Variants in MICAL2 observed in about 807,000 individuals in gnomAD.
MICAL2 encodes microtubule associated monooxygenase, calponin and LIM domain containing 2.
A neutral mutation model predicts 127.3 loss-of-function variants in MICAL2; 77 were observed. That is an observed-to-expected ratio of 0.60 (90% confidence interval 0.50 to 0.73). The LOEUF is 0.73. Ranked by LOEUF, MICAL2 falls within the 30% of genes least tolerant of loss-of-function variation. The pLI, the probability that MICAL2 is intolerant of heterozygous loss-of-function variation, is 0.00. For synonymous variants in MICAL2, 570 were observed against 551.1 expected (o/e 1.03, Z -0.48); for missense variants, 1,351 against 1,434.4 (o/e 0.94, Z 0.94).
At chr11:12,305,832 AT>A (rs1242105131) in intron 29 of MICAL2, among the ~76,000 whole-genome samples, 1 of 152,142 alleles carries the variant, frequency 6.6e-6, no homozygotes, top group Non-Finnish European at 1.5e-5. Context: ...ACCTTGTACA[AT>A]TTTCATTAGA....
rs116576001 is a variant in MICAL2 at position 12,124,946 on chromosome 11, C to T, written c.-148-13444C>T. On this transcript the variant is annotated intron_variant, in intron 1 of 27. Coordinates refer to ENST00000683283, the MANE Select transcript of MICAL2 (RefSeq NM_001282663.2). ...TCCTGTGTCCTTCTGGTCACTAACCCATTCCACCATTGTTGTGGGAATTAG... is the reference window on the plus strand; with the variant it reads ...TCCTGTGTCCTTCTGGTCACTAACCTATTCCACCATTGTTGTGGGAATTAG... Among the ~76,000 whole-genome samples, 212 of 152,358 alleles carry T rather than the reference C, an allele frequency of 1.4e-3. 1 individual carries two copies. The highest frequency in any genetic ancestry group is 3.9e-3 in the African/African-American group (161 of 41,582).
intron 15 of MICAL2, among the ~76,000 whole-genome samples, chr11:12,234,439 C>G (rs1565216134): frequency 6.6e-6 from 1 of 152,182 alleles, no homozygotes; most frequent in Non-Finnish European, 1.5e-5. Flanking sequence ...GGGGTCCAGA[C>G]AGCCTGTTCC....
Position 12,221,571 on chromosome 11 carries a change from G to A in MICAL2, c.1207-73G>A, listed in dbSNP as rs1043935812. ...CCTGCACAGTCCTGGCAATCAGTGT[G>A]TGCTGGGTCCAATGAGATCATAGAT... On this transcript the variant is annotated intron_variant, in intron 9 of 27. Transcript: ENST00000683283. The A allele has an allele frequency of 6.4e-6, 7 of 1,093,356 alleles. No homozygotes were observed. In the East Asian group the frequency reaches 1.7e-4, roughly 26 times the overall value. The allele number at this position is 1,093,356 out of a possible 1,614,324, so 67.7% of individuals were successfully genotyped here. A position where few individuals can be genotyped will look rare whatever the true frequency, so the allele number is the denominator to read the frequency against.
chr11:12,286,108 C>T (rs542645305), intron 2 of MICAL2, among the ~76,000 whole-genome samples: 4 of 152,250 alleles, frequency 2.6e-5, no homozygotes, highest in African/African-American at 9.6e-5. Flanking sequence ...ATGTGATGTT[C>T]ATTTTGCTCA....
At chr11:12,169,413 T>A (rs1855965000) in intron 3 of MICAL2, among the ~76,000 whole-genome samples, 1 of 152,100 alleles carries the variant, frequency 6.6e-6, no homozygotes, top group African/African-American at 2.4e-5. Context: ...TGAGATGGAA[T>A]CTTGCTCTGT....
intron 15 of MICAL2, 37 bp from the exon 16 acceptor site, chr11:12,236,140 G>A: frequency 2.5e-6 from 4 of 1,581,260 alleles, no homozygotes; most frequent in Non-Finnish European, 3.5e-6. Flanking sequence ...GCCCTTGGTG[G>A]CCCCCAGAGC....
chr11:12,240,946 C>G, intron 17 of MICAL2, 94 bp from the exon 18 acceptor site: 2 of 1,487,102 alleles, frequency 1.3e-6, no homozygotes, highest in Non-Finnish European at 1.8e-6. Flanking sequence ...CTCCCTGCTC[C>G]TCTTCTCTTC....
At position 12,256,927 on chromosome 11, in the gene MICAL2, C is replaced by A; in HGVS notation, c.3098C>A (p.Ala1033Asp). 6.2e-7 allele frequency: 1 copy of A among 1,614,090 alleles called. No individual in the cohort carries two copies. Among genetic ancestry groups the A allele is most frequent in the African/African-American group, 1.3e-5 (1 of 75,074 alleles). Residue 1033 changes from alanine to aspartate, a missense_variant, in exon 24 of 28, where the codon GCC (alanine) becomes GAC (aspartate). Transcript: ENST00000683283. Reference protein sequence around the residue: ...HRECFRCSICATTLRLAAYTF... With the variant: ...HRECFRCSICDTTLRLAAYTF... Reference sequence around the variant, plus strand: ...GAGTGTTTCCGCTGCAGCATCTGTGCCACCACCTTGCGCCTGGCCGCCTAC... The same window carrying A: ...GAGTGTTTCCGCTGCAGCATCTGTGACACCACCTTGCGCCTGGCCGCCTAC...
exon 2 of MICAL2, chr11:12,281,008 A>G: frequency 2.5e-6 from 1 of 399,194 alleles, no homozygotes; most frequent in Non-Finnish European, 4.4e-6. Context: ...CCTGGCGGCC[A>G]GGATCCCCGC....
chr11:12,239,959 T>C (rs915217780), intron 17 of MICAL2, among the ~76,000 whole-genome samples: 4 of 152,248 alleles, frequency 2.6e-5, no homozygotes, highest in African/African-American at 9.6e-5. Context: ...TTCCCTAATT[T>C]GGTTTTGCTT....
In MICAL2 at chr11:12,260,064, C is replaced by T. The variant is rs1375161078; in HGVS notation, c.3334+167C>T. On this transcript the variant is annotated intron_variant, in intron 26 of 27. Coordinates refer to ENST00000683283, the MANE Select transcript of MICAL2 (RefSeq NM_001282663.2). Reference sequence around the variant, plus strand: ...AGCTCCTGAGCCTGGGGCTGCCACTCCTCTGGGCGTTCTCTGAGGTCCTGG... The same window carrying T: ...AGCTCCTGAGCCTGGGGCTGCCACTTCTCTGGGCGTTCTCTGAGGTCCTGG... 3.2e-6 allele frequency: 5 copies of T among 1,538,528 alleles called. No homozygotes were observed. In the South Asian group the frequency reaches 4.8e-5, roughly 15 times the overall value.
rs541804426 is a variant in MICAL2, at chr11:12,309,613, C to T, written c.5213-10083C>T. Among the ~76,000 whole-genome samples the T allele has an allele frequency of 1.6e-4, 24 of 152,110 alleles. 1 individual carries two copies. In the South Asian group the frequency reaches 3.3e-3, roughly 21 times the overall value. ...CACTTAGGCTGATGCTGTATCTTGG[C>T]TATTCTGCTGCAATAAATGTGGGAA... On this transcript the variant is annotated intron_variant, in intron 29 of 34. Coordinates refer to the MICAL2 transcript ENST00000646065.
chr11:12,199,174 C>G (rs1475758595), intron 3 of MICAL2, among the ~76,000 whole-genome samples: 1 of 152,202 alleles, frequency 6.6e-6, no homozygotes, highest in Admixed American at 6.5e-5. Flanking sequence ...GTGCCTGGAG[C>G]AAGTTGCTTA....
intron 29 of MICAL2, among the ~76,000 whole-genome samples, chr11:12,301,998 G>A (rs937883377): frequency 2.0e-5 from 3 of 152,312 alleles, no homozygotes; most frequent in South Asian, 2.1e-4. Flanking sequence ...CTGTCATCCC[G>A]TGTCGGCTAA....
chr11:12,224,337 T>G, intron 12 of MICAL2: 1 of 234,906 alleles, frequency 4.3e-6, no homozygotes, highest in Non-Finnish European at 8.4e-6. Context: ...AGCCCCCTGT[T>G]TCTCCCTCCA....
At chr11:12,268,831 A>G (rs1198184238) in intron 24 of MICAL2, among the ~76,000 whole-genome samples, 1 of 95,066 alleles carries the variant, frequency 1.1e-5, no homozygotes, top group Non-Finnish European at 2.7e-5. Flanking sequence ...TCTACTAAAA[A>G]TACAAAAAAA....
downstream of MICAL2, chr11:12,292,239 C>A: frequency 6.2e-7 from 1 of 1,614,118 alleles, no homozygotes; most frequent in Non-Finnish European, 8.5e-7. Context: ...TCTTCCCCAC[C>A]ATCTTCTTCT....
chr11:12,222,289 G>C (rs1288155949), intron 10 of MICAL2, among the ~76,000 whole-genome samples: 2 of 152,100 alleles, frequency 1.3e-5, no homozygotes, highest in South Asian at 2.1e-4. Flanking sequence ...CTGTGGTCGT[G>C]GGGAGCAGGC....
intron 30 of MICAL2, among the ~76,000 whole-genome samples, chr11:12,323,093 A>T (rs1387676654): frequency 6.6e-6 from 1 of 152,066 alleles, no homozygotes; most frequent in Admixed American, 6.5e-5. Context: ...TCCCATTTTT[A>T]AGTGCCTCCT....
Sources: gnomAD v4.1 joint callset for allele counts (sites outside exome capture counted in the v4.1 genomes callset) on GRCh38, gnomAD v4.1.1 for gene constraint, MANE v1.5 for transcripts, NCBI Gene and HGNC (gene_info 2026-07-23, HGNC 2026-07-21) for gene names.